The following GRIK2 variants were observed in gnomAD, a reference collection of about 807,000 sequenced individuals.
The protein encoded by GRIK2 is glutamate receptor ionotropic, kainate 2.
Under a neutral mutation model 100.3 loss-of-function variants are expected in GRIK2, and 32 were observed. The observed-to-expected ratio is 0.32, with a 90% CI of 0.24 to 0.43. GRIK2 has a LOEUF of 0.43. Ranked by LOEUF, GRIK2 falls within the 20% of genes least tolerant of loss-of-function variation. GRIK2 has a pLI of 1.00. For missense variants in GRIK2, 843 were observed against 1,114.9 expected (o/e 0.76, Z 3.47); for synonymous variants, 417 against 389.4 (o/e 1.07, Z -0.83).
chr6:101,726,625 G>A (rs527391924), intron 7 of GRIK2, among the ~76,000 whole-genome samples: 2 of 151,920 alleles, frequency 1.3e-5, no homozygotes, highest in Non-Finnish European at 2.9e-5. Context: ...GTAACATACT[G>A]TCAAAAATAT....
At chr6:101,580,759 G>A (rs1468221738) in intron 2 of GRIK2, among the ~76,000 whole-genome samples, 1 of 151,954 alleles carries the variant, frequency 6.6e-6, no homozygotes, top group Non-Finnish European at 1.5e-5. Flanking sequence ...GGAAATGCCA[G>A]GCATGCTCCT....
At chr6:101,796,803 T>G (rs1356414967) in intron 7 of GRIK2, among the ~76,000 whole-genome samples, 2 of 152,128 alleles carry the variant, frequency 1.3e-5, no homozygotes, top group Non-Finnish European at 2.9e-5. Context: ...ACCTTACCCT[T>G]CCAAGTAGCT....
intron 7 of GRIK2, among the ~76,000 whole-genome samples, chr6:101,788,578 T>A (rs866541623): frequency 2.0e-5 from 3 of 152,308 alleles, no homozygotes; most frequent in South Asian, 2.1e-4. Context: ...CCATGGTGTA[T>A]ATGTGCCACA....
At chr6:101,478,299 T>G (rs2128259674) in intron 2 of GRIK2, among the ~76,000 whole-genome samples, 1 of 152,102 alleles carries the variant, frequency 6.6e-6, no homozygotes, top group East Asian at 1.9e-4. Flanking sequence ...AAATAACACT[T>G]TATTGTTAGA....
intron 2 of GRIK2, among the ~76,000 whole-genome samples, chr6:101,494,729 G>A (rs1037956426): frequency 7.9e-5 from 12 of 151,156 alleles, no homozygotes; most frequent in Admixed American, 4.6e-4. Context: ...TCGGGAGTTC[G>A]AGACCAGCCT....
In GRIK2 at chr6:101,427,815, A is replaced by G. The variant is rs569396399; in HGVS notation, c.115+28423A>G. Among the ~76,000 whole-genome samples the G allele has an allele frequency of 3.9e-5, 6 of 152,294 alleles. No individual in the cohort carries two copies. The South Asian group carries it at 1.2e-3, about 32-fold the overall frequency. On this transcript the variant is annotated intron_variant, in intron 2 of 16. Transcript: ENST00000369134. ...TAGTCAGTCACTTTGTCTGCCATTT[A>G]TCCATTCATTTATTCATTCACTGAA...
chr6:101,916,395 G>A (rs970719532), intron 12 of GRIK2, among the ~76,000 whole-genome samples: 1 of 151,140 alleles, frequency 6.6e-6, no homozygotes, highest in South Asian at 2.1e-4. Context: ...GTTCTACATA[G>A]TGAAGGATAT....
chr6:101,730,366 C>T (rs905385601), intron 7 of GRIK2, among the ~76,000 whole-genome samples: 1 of 151,932 alleles, frequency 6.6e-6, no homozygotes, highest in Non-Finnish European at 1.5e-5. Flanking sequence ...CAGTCCTGTC[C>T]TGTAAGACAG....
chr6:101,544,172 C>T (rs965518535), intron 2 of GRIK2, among the ~76,000 whole-genome samples: 2 of 152,020 alleles, frequency 1.3e-5, no homozygotes, highest in South Asian at 4.2e-4. Flanking sequence ...CCCTCCATCC[C>T]CTTTTCCCTT....
intron 12 of GRIK2, among the ~76,000 whole-genome samples, chr6:101,900,089 ACTT>A (rs1246857171): frequency 1.3e-5 from 2 of 152,324 alleles, no homozygotes; most frequent in African/African-American, 4.8e-5. Context: ...TGATATTACT[ACTT>A]CAATTTTCAA....
At chr6:101,674,480 G>C (rs914040716) in intron 4 of GRIK2, among the ~76,000 whole-genome samples, 7 of 152,124 alleles carry the variant, frequency 4.6e-5, no homozygotes, top group Admixed American at 4.6e-4. Flanking sequence ...GAAATATATA[G>C]TTTTCTGAAT....
chr6:101,638,698 G>GA (rs201945209), intron 4 of GRIK2, among the ~76,000 whole-genome samples: 2,855 of 152,144 alleles, frequency 0.019, 45 homozygotes, highest in Non-Finnish European at 0.028. Context: ...GTGTGTGTAT[G>GA]TAGATCTGTA....
chr6:101,569,593 T>C (rs1777438624), intron 2 of GRIK2, among the ~76,000 whole-genome samples: 1 of 151,994 alleles, frequency 6.6e-6, no homozygotes, highest in African/African-American at 2.4e-5. Flanking sequence ...TACGAGGATC[T>C]AATTTTTATA....
intron 2 of GRIK2, among the ~76,000 whole-genome samples, chr6:101,548,261 T>G (rs1022712547): frequency 1.1e-4 from 17 of 152,240 alleles, no homozygotes; most frequent in Non-Finnish European, 1.9e-4. Context: ...TGTCTCCCAT[T>G]TTGTAGGTTG....
chr6:101,903,585 T>C (rs894858532), intron 12 of GRIK2, among the ~76,000 whole-genome samples: 2 of 151,810 alleles, frequency 1.3e-5, no homozygotes, highest in African/African-American at 2.4e-5. Flanking sequence ...TTTCTGGTTC[T>C]GGTTTATATT....
At chr6:101,466,516 C>A (rs1034889690) in intron 2 of GRIK2, among the ~76,000 whole-genome samples, 4 of 151,056 alleles carry the variant, frequency 2.6e-5, no homozygotes, top group Non-Finnish European at 5.9e-5. Context: ...ACTATTTTTG[C>A]ATTAGTGAAA....
intron 10 of GRIK2, among the ~76,000 whole-genome samples, chr6:101,842,163 G>T (rs932759510): frequency 1.3e-5 from 2 of 152,040 alleles, no homozygotes; most frequent in African/African-American, 4.8e-5. Context: ...ATAATAAATG[G>T]TGTTCTTCGT....
intron 10 of GRIK2, among the ~76,000 whole-genome samples, chr6:101,847,568 C>T (rs1031272389): frequency 2.0e-5 from 3 of 152,062 alleles, no homozygotes; most frequent in African/African-American, 7.2e-5. Context: ...CCTTAAACTC[C>T]TGGAACAAAA....
chr6:101,931,919 T>C (rs1790313053), intron 14 of GRIK2, among the ~76,000 whole-genome samples: 1 of 152,082 alleles, frequency 6.6e-6, no homozygotes, highest in South Asian at 2.1e-4. Context: ...TTTAGTGTAC[T>C]AGAACTGAAG....
Sources: gnomAD v4.1 joint callset for allele counts (sites outside exome capture counted in the v4.1 genomes callset) on GRCh38, gnomAD v4.1.1 for gene constraint, MANE v1.5 for transcripts, NCBI Gene and HGNC (gene_info 2026-07-23, HGNC 2026-07-21) for gene names.